The following CREBBP variants were observed in gnomAD, a reference collection of about 807,000 sequenced individuals.
The protein encoded by CREBBP is CREB binding lysine acetyltransferase, also known as CREB-binding protein.
A neutral mutation model predicts 265.0 loss-of-function variants in CREBBP; 19 were observed. The observed-to-expected ratio is 0.07, with a 90% CI of 0.05 to 0.11. The LOEUF (loss-of-function observed/expected upper bound fraction) is 0.11, where lower values mean the gene tolerates loss of function less well. Ranked by LOEUF, CREBBP falls within the 10% of genes least tolerant of loss-of-function variation. CREBBP has a pLI of 1.00. For synonymous variants in CREBBP, 1,457 were observed against 1,223.7 expected (o/e 1.19, Z -3.98); for missense variants, 2,525 against 3,219.0 (o/e 0.78, Z 5.22).
chr16:3,873,492 C>G (rs192721202), intron 1 of CREBBP, among the ~76,000 whole-genome samples: 2 of 152,158 alleles, frequency 1.3e-5, no homozygotes, highest in Non-Finnish European at 2.9e-5. Context: ...CTTTCCAGAA[C>G]TGCTGAGAAA....
chr16:3,734,634 A>G (rs961857861), intron 28 of CREBBP, among the ~76,000 whole-genome samples: 1 of 152,296 alleles, frequency 6.6e-6, no homozygotes, highest in South Asian at 2.1e-4. Context: ...GCAAGTCCGA[A>G]GACAACAGGC....
intron 2 of CREBBP, among the ~76,000 whole-genome samples, chr16:3,830,315 C>G (rs1391337467): frequency 6.6e-6 from 1 of 151,994 alleles, no homozygotes; most frequent in Non-Finnish European, 1.5e-5. Context: ...GGAGGATCAC[C>G]TCACCCGGGG....
chr16:3,761,283 G>C (rs767669790), intron 16 of CREBBP, among the ~76,000 whole-genome samples: 4 of 152,116 alleles, frequency 2.6e-5, no homozygotes, highest in Non-Finnish European at 4.4e-5. Flanking sequence ...CAACAGGTAA[G>C]TGGTAAACTG....
intron 3 of CREBBP, among the ~76,000 whole-genome samples, chr16:3,796,355 A>T (rs2053608060): frequency 6.6e-6 from 1 of 150,682 alleles, no homozygotes; most frequent in South Asian, 2.1e-4. Context: ...AGCTGGGATC[A>T]CAGATGTGTG....
chr16:3,797,336 T>G (rs1366364834), intron 3 of CREBBP, among the ~76,000 whole-genome samples: 4 of 152,206 alleles, frequency 2.6e-5, no homozygotes, highest in Non-Finnish European at 4.4e-5. Flanking sequence ...ATTTCTTTAC[T>G]TAAGTCCAGA....
intron 28 of CREBBP, among the ~76,000 whole-genome samples, 188 bp downstream of exon 28, chr16:3,735,848 C>G (rs960190313): frequency 6.6e-6 from 1 of 152,020 alleles, no homozygotes; most frequent in Non-Finnish European, 1.5e-5. Flanking sequence ...AGAGCATCCA[C>G]TGTGCAGAGA....
intron 2 of CREBBP, among the ~76,000 whole-genome samples, chr16:3,844,159 A>G (rs570974670): frequency 6.7e-6 from 1 of 149,568 alleles, no homozygotes; most frequent in East Asian, 1.9e-4. Context: ...AAAAAAAAAA[A>G]AAAAAAAAAA....
intron 2 of CREBBP, among the ~76,000 whole-genome samples, chr16:3,826,955 G>A (rs1160319404): frequency 2.6e-5 from 4 of 152,132 alleles, no homozygotes; most frequent in African/African-American, 9.7e-5. Flanking sequence ...AAAGAACCCT[G>A]TTGTACTATC....
At chr16:3,827,548 C>T (rs1358822055) in intron 2 of CREBBP, among the ~76,000 whole-genome samples, 4 of 151,978 alleles carry the variant, frequency 2.6e-5, no homozygotes, top group Admixed American at 6.6e-5. Context: ...CCCGCCACCA[C>T]GCCCGGCTAA....
chr16:3,813,665 C>G (rs1291682215), intron 2 of CREBBP, among the ~76,000 whole-genome samples: 3 of 152,210 alleles, frequency 2.0e-5, no homozygotes, highest in Admixed American at 2.0e-4. Context: ...CACCCACACT[C>G]ATTTTCCCTC....
chr16:3,851,212 C>T (rs756567903), intron 1 of CREBBP, among the ~76,000 whole-genome samples: 9 of 146,646 alleles, frequency 6.1e-5, no homozygotes, highest in South Asian at 2.1e-4. Context: ...AGCTTGAACC[C>T]GGGAGGTGGA....
chr16:3,852,087 T>G (rs2054858126), intron 1 of CREBBP, among the ~76,000 whole-genome samples: 1 of 131,614 alleles, frequency 7.6e-6, no homozygotes. Flanking sequence ...AATGTATGTG[T>G]GTAACAAAGT....
chr16:3,743,962 G>C (rs1365658735), intron 23 of CREBBP, among the ~76,000 whole-genome samples: 1 of 152,086 alleles, frequency 6.6e-6, no homozygotes. Context: ...TGTAGTCCCA[G>C]CTACTCGGGA....
intron 1 of CREBBP, among the ~76,000 whole-genome samples, chr16:3,863,036 T>G (rs2526691): frequency 6.6e-6 from 1 of 152,108 alleles, no homozygotes; most frequent in Non-Finnish European, 1.5e-5. Context: ...AATCAAGCTA[T>G]GGTATCAGGT....
chr16:3,800,783 G>T (rs893399002), intron 3 of CREBBP, among the ~76,000 whole-genome samples: 6 of 152,126 alleles, frequency 3.9e-5, no homozygotes, highest in African/African-American at 7.2e-5. Context: ...AAGCCCCATG[G>T]GCGACTCCAA....
At chr16:3,871,367 G>A (rs565307168) in intron 1 of CREBBP, among the ~76,000 whole-genome samples, 5 of 152,226 alleles carry the variant, frequency 3.3e-5, no homozygotes, top group South Asian at 4.2e-4. Flanking sequence ...CCGCCTCCCC[G>A]TATAAAAAGC....
chr16:3,790,350 A>C (rs2053477631), intron 5 of CREBBP, among the ~76,000 whole-genome samples: 1 of 146,436 alleles, frequency 6.8e-6, no homozygotes, highest in Admixed American at 6.8e-5. Flanking sequence ...AATTTAACTG[A>C]CTTTTAGGAA....
chr16:3,791,949 C>A, intron 5 of CREBBP, 32 bp downstream of exon 5: 3 of 1,542,814 alleles, frequency 1.9e-6, no homozygotes, highest in Non-Finnish European at 2.7e-6. Context: ...CTATTCTCAT[C>A]TCCAAGCTTC....
intron 2 of CREBBP, among the ~76,000 whole-genome samples, chr16:3,849,479 GTGTGTGTGTGA>G (rs2054777533): frequency 1.7e-5 from 2 of 121,016 alleles, no homozygotes; most frequent in South Asian, 2.8e-4. Flanking sequence ...GTGTGTGTGT[GTGTGTGTGTGA>G]TGTGCGTGAC....
Sources: gnomAD v4.1 joint callset for allele counts (sites outside exome capture counted in the v4.1 genomes callset) on GRCh38, gnomAD v4.1.1 for gene constraint, MANE v1.5 for transcripts, NCBI Gene and HGNC (gene_info 2026-07-23, HGNC 2026-07-21) for gene names.